ARHGAP22: variants seen among roughly 807,000 people sequenced by gnomAD.
The protein encoded by ARHGAP22 is Rho GTPase activating protein 22.
A neutral mutation model predicts 59.1 loss-of-function variants in ARHGAP22; 48 were observed. That is an observed-to-expected ratio of 0.81 (90% CI 0.64 to 1.03). The LOEUF (loss-of-function observed/expected upper bound fraction) is 1.03. ARHGAP22 is among the 50% of genes least tolerant of loss of function. ARHGAP22 has a pLI of 0.00. For synonymous variants in ARHGAP22, 445 were observed against 416.4 expected (o/e 1.07, Z -0.84); for missense variants, 1,015 against 958.7 (o/e 1.06, Z -0.78).
chr10:48,439,766 C>T, the ARHGAP22 span, among the ~76,000 whole-genome samples: 3 of 152,220 alleles, frequency 2.0e-5, no homozygotes, highest in African/African-American at 7.2e-5. Flanking sequence ...TACGTTGGGT[C>T]TGCTGCTGTG....
At chr10:48,476,343 T>C (rs902939905) in intron 4 of ARHGAP22, among the ~76,000 whole-genome samples, 7 of 152,172 alleles carry the variant, frequency 4.6e-5, no homozygotes, top group Admixed American at 2.6e-4. Context: ...GGCTGGGCTG[T>C]CCCATCTGCA....
intron 6 of ARHGAP22, among the ~76,000 whole-genome samples, chr10:48,454,585 T>C (rs2046308031): frequency 6.6e-6 from 1 of 152,200 alleles, no homozygotes; most frequent in Non-Finnish European, 1.5e-5. Flanking sequence ...TCATCTGTCC[T>C]GGGAGCCAGC....
At chr10:48,582,918 C>T (rs541938585) in intron 2 of ARHGAP22, 35 bp downstream of exon 2, 88 of 1,608,052 alleles carry the variant, frequency 5.5e-5, no homozygotes, top group Non-Finnish European at 6.7e-5. Context: ...AGCCCTGCCA[C>T]GATGCCCACG....
At chr10:48,530,661 T>A (rs938384832) in intron 3 of ARHGAP22, among the ~76,000 whole-genome samples, 1 of 152,012 alleles carries the variant, frequency 6.6e-6, no homozygotes, top group Admixed American at 6.5e-5. Context: ...AACAAGCATA[T>A]AGAAAAATGC....
intron 4 of ARHGAP22, chr10:48,479,245 GT>G (rs1564732819): frequency 8.2e-6 from 2 of 244,714 alleles, no homozygotes; most frequent in Non-Finnish European, 1.6e-5. Context: ...CACCCCCGCC[GT>G]CCTCTCACTG....
At chr10:48,552,833 C>T (rs2057006292) in intron 3 of ARHGAP22, among the ~76,000 whole-genome samples, 1 of 152,180 alleles carries the variant, frequency 6.6e-6, no homozygotes, top group Non-Finnish European at 1.5e-5. Flanking sequence ...CGTTTTTAGC[C>T]CCAACATGGC....
intron 3 of ARHGAP22, among the ~76,000 whole-genome samples, chr10:48,487,631 A>G (rs956125302): frequency 6.6e-6 from 1 of 152,100 alleles, no homozygotes; most frequent in African/African-American, 2.4e-5. Flanking sequence ...AGAAAAATGG[A>G]CTCGCCCTCA....
chr10:48,654,197 T>G (rs2062668672), upstream of ARHGAP22, among the ~76,000 whole-genome samples: 1 of 152,102 alleles, frequency 6.6e-6, no homozygotes. Flanking sequence ...AAGTCTGGGT[T>G]TTTTTTTCCA....
At chr10:48,496,137 C>T (rs1485805422) in intron 3 of ARHGAP22, among the ~76,000 whole-genome samples, 1 of 152,162 alleles carries the variant, frequency 6.6e-6, no homozygotes, top group African/African-American at 2.4e-5. Context: ...GTGTTTTAAG[C>T]CACTAGGCTT....
In ARHGAP22 at chr10:48,515,607, A is replaced by G. The variant is rs375218814; in HGVS notation, c.323-35843T>C. On this transcript the variant is annotated intron_variant, in intron 3 of 9. Transcript: ENST00000249601. ...ACTGTAGAATGCTCCACCTAATAAC[A>G]GCAGCATGCACATTCTTCTCAAATG... Among the ~76,000 whole-genome samples, 4 of 152,380 alleles carry G rather than the reference A, an allele frequency of 2.6e-5. No homozygotes were observed. The East Asian group carries it at 7.7e-4, about 29-fold the overall frequency.
At chr10:48,554,552 C>T (rs2057151908) in intron 3 of ARHGAP22, among the ~76,000 whole-genome samples, 1 of 152,164 alleles carries the variant, frequency 6.6e-6, no homozygotes, top group Admixed American at 6.5e-5. Flanking sequence ...GGTCTCCTTC[C>T]TCAAGCATCT....
At chr10:48,455,829 G>A (rs2046442723) in intron 5 of ARHGAP22, among the ~76,000 whole-genome samples, 1 of 152,168 alleles carries the variant, frequency 6.6e-6, no homozygotes, top group African/African-American at 2.4e-5. Flanking sequence ...GCAGGTATCC[G>A]GGGACCAACA....
intron 1 of ARHGAP22, among the ~76,000 whole-genome samples, chr10:48,650,676 T>C (rs758482872): frequency 9.2e-5 from 14 of 152,242 alleles, no homozygotes; most frequent in Non-Finnish European, 1.9e-4. Context: ...ATGCTATGAA[T>C]CTGGGGAAGA....
intron 1 of ARHGAP22, among the ~76,000 whole-genome samples, chr10:48,637,209 A>G (rs2061854725): frequency 6.6e-6 from 1 of 152,166 alleles, no homozygotes; most frequent in Non-Finnish European, 1.5e-5. Context: ...GGCTCCAACT[A>G]TTGTGTCGAG....
intron 3 of ARHGAP22, among the ~76,000 whole-genome samples, chr10:48,536,044 G>T: frequency 6.6e-6 from 1 of 152,206 alleles, no homozygotes; most frequent in Non-Finnish European, 1.5e-5. Flanking sequence ...GGCTGGCCTG[G>T]GTCCTGTTCA....
chr10:48,542,121 C>T (rs1040052542), intron 3 of ARHGAP22, among the ~76,000 whole-genome samples: 1 of 152,084 alleles, frequency 6.6e-6, no homozygotes, highest in African/African-American at 2.4e-5. Flanking sequence ...AGATGAGGAC[C>T]ATGATAAGAT....
At chr10:48,568,913 A>C (rs1017049035) in intron 2 of ARHGAP22, among the ~76,000 whole-genome samples, 1 of 152,180 alleles carries the variant, frequency 6.6e-6, no homozygotes, top group Non-Finnish European at 1.5e-5. Flanking sequence ...TCTGCCCACG[A>C]AGAACAGACC....
intron 3 of ARHGAP22, among the ~76,000 whole-genome samples, chr10:48,549,325 C>G (rs2056716107): frequency 6.6e-6 from 1 of 152,176 alleles, no homozygotes. Flanking sequence ...TTCTTGGTCC[C>G]TCCTGGTCAC....
intron 3 of ARHGAP22, among the ~76,000 whole-genome samples, chr10:48,484,485 G>T (rs1484324814): frequency 6.6e-6 from 1 of 152,154 alleles, no homozygotes; most frequent in Non-Finnish European, 1.5e-5. Flanking sequence ...TCTGGTTTTG[G>T]TGGCCTCACA....
Sources: gnomAD v4.1 joint callset for allele counts (sites outside exome capture counted in the v4.1 genomes callset) on GRCh38, gnomAD v4.1.1 for gene constraint, MANE v1.5 for transcripts, NCBI Gene and HGNC (gene_info 2026-07-23, HGNC 2026-07-21) for gene names.